The following MECOM variants were observed in gnomAD, a reference collection of about 807,000 sequenced individuals.
The protein encoded by MECOM is histone-lysine N-methyltransferase MECOM.
A neutral mutation model predicts 116.3 loss-of-function variants in MECOM; 13 were observed. The ratio of observed to expected loss-of-function variants is 0.11; its 90% CI spans 0.07 to 0.18. The LOEUF (loss-of-function observed/expected upper bound fraction) is 0.18. Ranked by LOEUF, MECOM falls within the 10% of genes least tolerant of loss-of-function variation. The pLI, the probability that MECOM is intolerant of heterozygous loss-of-function variation, is 1.00. For synonymous variants in MECOM, 528 were observed against 535.2 expected (o/e 0.99, Z 0.19); for missense variants, 1,299 against 1,509.0 (o/e 0.86, Z 2.31).
intron 2 of MECOM, among the ~76,000 whole-genome samples, chr3:169,203,981 T>C (rs1010898400): frequency 6.6e-6 from 1 of 152,216 alleles, no homozygotes; most frequent in African/African-American, 2.4e-5. Context: ...TGGAATTATA[T>C]GGCTTAGGTG....
chr3:169,604,404 T>C (rs1256331895), intron 1 of MECOM, among the ~76,000 whole-genome samples: 1 of 151,698 alleles, frequency 6.6e-6, no homozygotes, highest in Non-Finnish European at 1.5e-5. Context: ...AAACCTGAGG[T>C]GTAGAGAGAT....
At chr3:169,199,261 C>T (rs1748842620) in intron 2 of MECOM, among the ~76,000 whole-genome samples, 1 of 152,012 alleles carries the variant, frequency 6.6e-6, no homozygotes. Context: ...CTTTCTCTTC[C>T]GTCAGCACCC....
intron 1 of MECOM, among the ~76,000 whole-genome samples, chr3:169,475,014 G>A (rs1327912891): frequency 6.6e-6 from 1 of 152,130 alleles, no homozygotes; most frequent in East Asian, 1.9e-4. Context: ...TTCAGTTTTT[G>A]TGATTCTTAA....
chr3:169,225,221 T>C (rs969488881), intron 2 of MECOM, among the ~76,000 whole-genome samples: 3 of 152,080 alleles, frequency 2.0e-5, no homozygotes, highest in Non-Finnish European at 4.4e-5. Context: ...ATGAGAAAAA[T>C]GTTAAATGCA....
intron 1 of MECOM, among the ~76,000 whole-genome samples, chr3:169,532,002 A>G (rs1421007): frequency 0.19 from 29,491 of 152,140 alleles, 3,521 homozygotes; most frequent in Non-Finnish European, 0.27. Context: ...TTTGAGTCCA[A>G]TTTTTTAATC....
chr3:169,115,029 C>T (rs1009506177), intron 8 of MECOM, among the ~76,000 whole-genome samples: 3 of 152,118 alleles, frequency 2.0e-5, no homozygotes, highest in Admixed American at 6.6e-5. Flanking sequence ...TAAGTACCCA[C>T]GCATATTTGC....
At chr3:169,293,213 G>A (rs1418006778) in intron 2 of MECOM, among the ~76,000 whole-genome samples, 2 of 152,098 alleles carry the variant, frequency 1.3e-5, no homozygotes, top group African/African-American at 4.8e-5. Flanking sequence ...ATGACTCTTG[G>A]AATTCCAGAG....
At chr3:169,612,060 T>C (rs1769346204) in intron 1 of MECOM, among the ~76,000 whole-genome samples, 1 of 152,174 alleles carries the variant, frequency 6.6e-6, no homozygotes, top group African/African-American at 2.4e-5. Flanking sequence ...AGTTATGAGT[T>C]ATGACAACCA....
At chr3:169,553,342 A>T (rs905501750) in intron 1 of MECOM, among the ~76,000 whole-genome samples, 9 of 152,164 alleles carry the variant, frequency 5.9e-5, no homozygotes, top group African/African-American at 2.2e-4. Flanking sequence ...GATAAGTGCT[A>T]AAAAAAGAAA....
intron 2 of MECOM, among the ~76,000 whole-genome samples, chr3:169,356,962 T>C (rs1267710518): frequency 6.6e-6 from 1 of 151,776 alleles, no homozygotes; most frequent in Non-Finnish European, 1.5e-5. Context: ...TGAACAAGAG[T>C]AGTGTCACAT....
intron 2 of MECOM, among the ~76,000 whole-genome samples, chr3:169,282,392 T>C (rs1712264902): frequency 6.6e-6 from 1 of 152,144 alleles, no homozygotes; most frequent in South Asian, 2.1e-4. Flanking sequence ...CCAGATATGC[T>C]GCATAGACCT....
chr3:169,541,288 G>A (rs545140063), intron 1 of MECOM, among the ~76,000 whole-genome samples: 1 of 152,294 alleles, frequency 6.6e-6, no homozygotes, highest in Middle Eastern at 3.4e-3. Flanking sequence ...TGAGAACTGA[G>A]AACTGTTCTT....
At chr3:169,562,390 T>G (rs1187135466) in intron 1 of MECOM, among the ~76,000 whole-genome samples, 10 of 152,060 alleles carry the variant, frequency 6.6e-5, no homozygotes, top group African/African-American at 2.4e-4. Flanking sequence ...TGCTTCTACT[T>G]GCTGTGAGGT....
At chr3:169,132,537 A>G (rs979896252) in intron 3 of MECOM, among the ~76,000 whole-genome samples, 12 of 152,172 alleles carry the variant, frequency 7.9e-5, no homozygotes, top group African/African-American at 2.7e-4. Flanking sequence ...ATAATCAGAT[A>G]GAGGTTTTAG....
intron 1 of MECOM, among the ~76,000 whole-genome samples, chr3:169,490,309 C>T (rs565496305): frequency 6.6e-6 from 1 of 152,230 alleles, no homozygotes; most frequent in East Asian, 1.9e-4. Flanking sequence ...GTTAAAAATG[C>T]ACATAGCCAC....
At chr3:169,213,977 C>A (rs1267934560) in intron 2 of MECOM, among the ~76,000 whole-genome samples, 1 of 152,038 alleles carries the variant, frequency 6.6e-6, no homozygotes, top group Non-Finnish European at 1.5e-5. Flanking sequence ...TTAGGGGCTA[C>A]ATGGATTTTA....
chr3:169,410,097 G>A (rs770383041), intron 1 of MECOM, among the ~76,000 whole-genome samples: 1 of 152,098 alleles, frequency 6.6e-6, no homozygotes, highest in Admixed American at 6.5e-5. Context: ...TATTTTCCAT[G>A]CACATAAAGA....
chr3:169,182,614 T>C (rs1437465347), intron 2 of MECOM, among the ~76,000 whole-genome samples: 2 of 152,262 alleles, frequency 1.3e-5, no homozygotes, highest in African/African-American at 2.4e-5. Context: ...CCAAAGCTTA[T>C]ATACTTTTCT....
chr3:169,087,953 A>G (rs1718374240), intron 16 of MECOM, among the ~76,000 whole-genome samples: 1 of 152,214 alleles, frequency 6.6e-6, no homozygotes, highest in Non-Finnish European at 1.5e-5. Context: ...TTTACCTATT[A>G]CCATACATAA....
Sources: gnomAD v4.1 joint callset for allele counts (sites outside exome capture counted in the v4.1 genomes callset) on GRCh38, gnomAD v4.1.1 for gene constraint, MANE v1.5 for transcripts, NCBI Gene and HGNC (gene_info 2026-07-23, HGNC 2026-07-21) for gene names.